HTRA1: variants seen among roughly 807,000 people sequenced by gnomAD.
The protein encoded by HTRA1 is HtrA serine peptidase 1.
HTRA1 carries 26 observed loss-of-function variants against 49.7 expected under a neutral mutation model. The ratio of observed to expected loss-of-function variants is 0.52; its 90% confidence interval spans 0.38 to 0.73. The LOEUF is 0.73. HTRA1 is among the 30% of genes least tolerant of loss of function. HTRA1 has a pLI of 0.00. For missense variants in HTRA1, 561 were observed against 667.2 expected (o/e 0.84, Z 1.75); for synonymous variants, 291 against 286.9 (o/e 1.01, Z -0.14).
intron 1 of HTRA1, among the ~76,000 whole-genome samples, chr10:122,473,499 C>T (rs1035881394): frequency 6.6e-6 from 1 of 152,232 alleles, no homozygotes. Flanking sequence ...ATAACAGGAG[C>T]TGCATATACA....
intron 7 of HTRA1, 73 bp downstream of exon 7, chr10:122,510,226 C>CTT: frequency 1.6e-6 from 2 of 1,257,480 alleles, no homozygotes; most frequent in Non-Finnish European, 2.3e-6. Flanking sequence ...TCACGGGCAC[C>CTT]CCTGAAAGAG....
intron 3 of HTRA1, among the ~76,000 whole-genome samples, chr10:122,502,031 C>T (rs891834906): frequency 9.0e-6 from 1 of 110,672 alleles, no homozygotes; most frequent in African/African-American, 3.5e-5. Context: ...TTGATACACA[C>T]AAACTATTTT....
intron 7 of HTRA1, among the ~76,000 whole-genome samples, chr10:122,510,911 C>T (rs900978367): frequency 6.6e-6 from 1 of 152,226 alleles, no homozygotes; most frequent in Non-Finnish European, 1.5e-5. Flanking sequence ...TTTCTTAGCA[C>T]TCCAGAAGAT....
chr10:122,478,639 G>A (rs1299489006), intron 1 of HTRA1, among the ~76,000 whole-genome samples: 1 of 149,080 alleles, frequency 6.7e-6, no homozygotes, highest in African/African-American at 2.5e-5. Context: ...TGATCTGCCT[G>A]CCTTGGCCTC....
At chr10:122,472,373 T>C (rs1236060566) in intron 1 of HTRA1, among the ~76,000 whole-genome samples, 2 of 21,214 alleles carry the variant, frequency 9.4e-5, no homozygotes, top group South Asian at 3.5e-3. Context: ...TTATTACTAT[T>C]ATTATTATTA....
intron 3 of HTRA1, among the ~76,000 whole-genome samples, chr10:122,505,172 G>A (rs1025453829): frequency 2.0e-5 from 3 of 152,200 alleles, no homozygotes; most frequent in Non-Finnish European, 4.4e-5. Context: ...TGAGAAAACT[G>A]AGGACCTGAG....
chr10:122,509,771 G>A (rs190755948), intron 6 of HTRA1, among the ~76,000 whole-genome samples: 36 of 152,310 alleles, frequency 2.4e-4, no homozygotes, highest in African/African-American at 8.4e-4. Context: ...TCTCAGACAA[G>A]GGTGGTGGCA....
intron 1 of HTRA1, among the ~76,000 whole-genome samples, chr10:122,469,771 C>G (rs1294718028): frequency 6.6e-6 from 1 of 152,168 alleles, no homozygotes; most frequent in Admixed American, 6.5e-5. Context: ...GGAGGCAGAG[C>G]CAGGATTTGA....
intron 3 of HTRA1, among the ~76,000 whole-genome samples, chr10:122,505,524 C>CA (rs1391904771): frequency 2.0e-5 from 3 of 152,136 alleles, no homozygotes; most frequent in African/African-American, 7.2e-5. Flanking sequence ...CTTGGACCCT[C>CA]AGTTTCCTCA....
In HTRA1 at chr10:122,510,105, T is replaced by A. The variant is rs1384480576; in HGVS notation, c.1130T>A (p.Ile377Asn). ...SHDRQAKGKA[I>N]TKKKYIGIRM... ...TTTGTTGTCTCACCAGGAAAAGCCA[T>A]CACCAAGAAGAAGTATATTGGTATC... The change falls in exon 7 of 9, where the codon ATC (isoleucine) becomes AAC (asparagine). Residue 377 changes from isoleucine to asparagine, a missense_variant. By Grantham distance (149) the Ile-to-Asn change is moderately radical. Transcript: ENST00000368984. 1.2e-6 allele frequency: 2 copies of A among 1,613,888 alleles called. No individual in the cohort carries two copies. The highest frequency in any genetic ancestry group is 1.7e-6 in the Non-Finnish European group (2 of 1,179,880).
intron 1 of HTRA1, among the ~76,000 whole-genome samples, chr10:122,477,202 C>T (rs910813797): frequency 6.6e-5 from 10 of 152,092 alleles, no homozygotes; most frequent in South Asian, 2.1e-4. Context: ...CTCCTGACCT[C>T]ATGATCTGCC....
chr10:122,482,857 G>T (rs1442889151), intron 1 of HTRA1, among the ~76,000 whole-genome samples: 1 of 138,884 alleles, frequency 7.2e-6, no homozygotes, highest in East Asian at 2.1e-4. Flanking sequence ...GGCAGAGGTT[G>T]CAGTGAACCA....
At chr10:122,477,762 C>T (rs2097489302) in intron 1 of HTRA1, among the ~76,000 whole-genome samples, 1 of 152,024 alleles carries the variant, frequency 6.6e-6, no homozygotes, top group Admixed American at 6.5e-5. Flanking sequence ...GTTACTTCTC[C>T]TTGTCCTTTC....
At chr10:122,489,197 T>C (rs2097494558) in intron 2 of HTRA1, among the ~76,000 whole-genome samples, 196 bp downstream of exon 2, 1 of 152,244 alleles carries the variant, frequency 6.6e-6, no homozygotes, top group Non-Finnish European at 1.5e-5. Context: ...TCTGAATGTT[T>C]AAAGAACCTC....
In HTRA1 at chr10:122,506,837, G is replaced by T; in HGVS notation, c.924G>T (p.Gly308=). ...CCCAGCGAGGCGGCAAAGAGCTGGG[G>T]CTCCGCAACTCAGACATGGACTACA... ...STTQRGGKEL[G]LRNSDMDYIQ... The change falls in exon 4 of 9, where the codon GGG becomes GGT. Residue 308 remains glycine (G), a synonymous_variant. Coordinates refer to ENST00000368984, the MANE Select transcript of HTRA1 (RefSeq NM_002775.5). This position sits in a 1 kb window ranked among gnomAD's most constrained non-coding sequence, Gnocchi z 5.2. 1 of 1,613,732 alleles carries T rather than the reference G, an allele frequency of 6.2e-7. No homozygotes were observed. Among genetic ancestry groups the T allele is most frequent in the South Asian group, 1.1e-5 (1 of 91,058 alleles).
intron 1 of HTRA1, among the ~76,000 whole-genome samples, chr10:122,469,203 C>T (rs550166069): frequency 1.3e-5 from 2 of 152,264 alleles, no homozygotes; most frequent in African/African-American, 2.4e-5. Context: ...AGATGGTAGG[C>T]CTATCTCTGT....
rs1565436403 is a variant in HTRA1, at chr10:122,510,113, A to C, written c.1138A>C (p.Lys380Gln). The C allele has an allele frequency of 6.2e-7, 1 of 1,614,094 alleles. No homozygotes were observed. The part of the protein sequence containing the change: ...RQAKGKAITK[K>Q]KYIGIRMMSL... ...CTCACCAGGAAAAGCCATCACCAAGAAGAAGTATATTGGTATCCGAATGAT... is the reference window on the plus strand; with the variant it reads ...CTCACCAGGAAAAGCCATCACCAAGCAGAAGTATATTGGTATCCGAATGAT... Residue 380 changes from lysine to glutamine, a missense_variant, in exon 7 of 9, where the codon AAG becomes CAG. Coordinates refer to ENST00000368984, the MANE Select transcript of HTRA1 (RefSeq NM_002775.5).
At chr10:122,491,540 A>G (rs143026231) in intron 3 of HTRA1, among the ~76,000 whole-genome samples, 1 of 152,222 alleles carries the variant, frequency 6.6e-6, no homozygotes, top group Non-Finnish European at 1.5e-5. Flanking sequence ...CGCCGCCCCC[A>G]CTGCGTAACT....
intron 1 of HTRA1, among the ~76,000 whole-genome samples, chr10:122,469,625 A>G (rs1006719877): frequency 3.9e-5 from 6 of 152,162 alleles, no homozygotes; most frequent in Non-Finnish European, 4.4e-5. Context: ...CACTGTGCTC[A>G]TTGTGTTATG....
Sources: allele counts gnomAD v4.1 joint callset (sites outside exome capture counted in the v4.1 genomes callset), GRCh38; gene constraint gnomAD v4.1.1; non-coding constraint Gnocchi (gnomAD v3.1); transcripts MANE v1.5; gene names NCBI Gene and HGNC (gene_info 2026-07-23, HGNC 2026-07-21).